The following DGLUCY variants were observed in gnomAD, a reference collection of about 807,000 sequenced individuals.
The protein encoded by DGLUCY is D-glutamate cyclase.
DGLUCY carries 58 observed loss-of-function variants against 58.5 expected under a neutral mutation model. The observed-to-expected ratio is 0.99, with a 90% CI of 0.80 to 1.23. DGLUCY has a LOEUF of 1.23. Among genes scored for constraint, DGLUCY ranks in the 50% most tolerant of loss-of-function variants. The pLI is 0.00. For missense variants in DGLUCY, 779 were observed against 784.7 expected (o/e 0.99, Z 0.09); for synonymous variants, 325 against 314.1 (o/e 1.03, Z -0.37).
At chr14:91,206,005 AAT>A (rs1884634806) in intron 12 of DGLUCY, among the ~76,000 whole-genome samples, 1 of 151,012 alleles carries the variant, frequency 6.6e-6, no homozygotes, top group Non-Finnish European at 1.5e-5. Context: ...ACACCTGGAT[AAT>A]TTTTGTATTT....
intron 1 of DGLUCY, among the ~76,000 whole-genome samples, chr14:91,066,908 G>A (rs1215714391): frequency 1.3e-5 from 2 of 150,216 alleles, no homozygotes; most frequent in East Asian, 2.0e-4. Flanking sequence ...GTGAAACCCC[G>A]TCTCTACTAA....
At chr14:91,099,045 G>A (rs919925346) in intron 1 of DGLUCY, among the ~76,000 whole-genome samples, 3 of 152,204 alleles carry the variant, frequency 2.0e-5, no homozygotes, top group Non-Finnish European at 4.4e-5. Flanking sequence ...AGCTCTCTCT[G>A]CATTTGGGAT....
intron 8 of DGLUCY, among the ~76,000 whole-genome samples, chr14:91,182,226 C>G (rs1365831129): frequency 5.3e-5 from 8 of 152,192 alleles, no homozygotes; most frequent in Non-Finnish European, 1.2e-4. Context: ...GGTAATCCAC[C>G]CATCTCGGCC....
At chr14:91,085,508 G>T (rs902832668) in intron 1 of DGLUCY, among the ~76,000 whole-genome samples, 7 of 151,076 alleles carry the variant, frequency 4.6e-5, no homozygotes, top group Non-Finnish European at 7.4e-5. Context: ...TTGGTGCCAG[G>T]ACCCCTTGCA....
At chr14:91,135,513 G>A (rs147901948) in intron 1 of DGLUCY, among the ~76,000 whole-genome samples, 133 of 152,150 alleles carry the variant, frequency 8.7e-4, no homozygotes, top group African/African-American at 3.1e-3. Context: ...AGCCAGGCAT[G>A]GTGGCGCATG....
At chr14:91,125,523 CT>C (rs1322319604) in intron 1 of DGLUCY, 1 of 152,274 alleles carries the variant, frequency 6.6e-6, no homozygotes, top group African/African-American at 2.4e-5. Flanking sequence ...TCTCTGCTTT[CT>C]TCTCTGTTGG....
intron 1 of DGLUCY, among the ~76,000 whole-genome samples, chr14:91,068,404 C>T (rs1373129377): frequency 6.6e-6 from 1 of 152,184 alleles, no homozygotes; most frequent in Non-Finnish European, 1.5e-5. Context: ...CACGGTGGCT[C>T]CCACCTGTAA....
chr14:91,183,907 T>C (rs1456570762), intron 8 of DGLUCY, among the ~76,000 whole-genome samples: 1 of 152,140 alleles, frequency 6.6e-6, no homozygotes, highest in Non-Finnish European at 1.5e-5. Context: ...GTCCCTCTTC[T>C]GGACCTTCTC....
At chr14:91,137,552 AT>A (rs55763052) in intron 1 of DGLUCY, among the ~76,000 whole-genome samples, 32,704 of 139,634 alleles carry the variant, frequency 0.23, 3,653 homozygotes, top group African/African-American at 0.27. Context: ...CGCCTGGCTA[AT>A]TTTTTTTTTT....
upstream of DGLUCY, among the ~76,000 whole-genome samples, chr14:91,109,530 T>C (rs556079656): frequency 6.6e-6 from 1 of 152,256 alleles, no homozygotes; most frequent in Admixed American, 6.5e-5. Context: ...CGGTAGTTAG[T>C]GGCTACAGGC....
chr14:91,152,867 T>C (rs1458624593), intron 1 of DGLUCY, among the ~76,000 whole-genome samples: 1 of 152,210 alleles, frequency 6.6e-6, no homozygotes, highest in Non-Finnish European at 1.5e-5. Context: ...AAGGAAGCTG[T>C]GTCTTCTGTT....
intron 3 of DGLUCY, 139 bp from the exon 4 acceptor site, chr14:91,167,086 C>G: frequency 8.8e-7 from 1 of 1,132,734 alleles, no homozygotes; most frequent in South Asian, 1.6e-5. Flanking sequence ...TTGCAGTGAG[C>G]CAAGATTGTG....
At chr14:91,121,923 C>G (rs777736468) in intron 1 of DGLUCY, among the ~76,000 whole-genome samples, 20 of 152,128 alleles carry the variant, frequency 1.3e-4, no homozygotes, top group Non-Finnish European at 2.6e-4. Context: ...GTCTGCTCAT[C>G]TGTTTATTCC....
chr14:91,215,742 T>C (rs1190428754), intron 13 of DGLUCY, 186 bp downstream of exon 13: 1 of 1,477,200 alleles, frequency 6.8e-7, no homozygotes, highest in Non-Finnish European at 9.0e-7. Flanking sequence ...CAGTTCTGAA[T>C]CGTGTGGCAG....
rs34785372 is a variant in DGLUCY at position 91,160,417 on chromosome 14, T to TAA, written c.103+43_103+44dup. On this transcript the variant is annotated intron_variant, in intron 3 of 13. Coordinates refer to ENST00000256324, the MANE Select transcript of DGLUCY (RefSeq NM_001102368.3). ...CTGGAGGTAAGTGGTGCCAGATAGT[T>TAA]AAAAAAAAAAAAAAAAAAAAAAAAG... 1.4e-3 allele frequency: 787 copies of TAA among 578,738 alleles called. No individual in the cohort carries two copies. Among genetic ancestry groups the TAA allele is most frequent in the South Asian group, 3.7e-3 (150 of 40,446 alleles). The allele number at this position is 578,738 out of a possible 1,614,324, so 35.9% of individuals were successfully genotyped here. A position where few individuals can be genotyped will look rare whatever the true frequency, so the allele number is the denominator to read the frequency against.
At chr14:91,099,299 G>A (rs960286233) in intron 1 of DGLUCY, among the ~76,000 whole-genome samples, 3 of 152,132 alleles carry the variant, frequency 2.0e-5, no homozygotes, top group African/African-American at 4.8e-5. Context: ...TTGGGAGGCC[G>A]AGGCAGGCAG....
At chr14:91,165,687 C>T (rs1047320734) in intron 3 of DGLUCY, among the ~76,000 whole-genome samples, 1 of 152,184 alleles carries the variant, frequency 6.6e-6, no homozygotes, top group African/African-American at 2.4e-5. Flanking sequence ...TGATGGATAC[C>T]ACTACCCACC....
chr14:91,181,273 C>G lies in DGLUCY; in HGVS notation c.818C>G (p.Pro273Arg). 1 of 1,614,152 alleles carries G rather than the reference C, an allele frequency of 6.2e-7. No individual in the cohort carries two copies. ...AAGGCTCCACCTGGTTGTCTCACCC[C>G]AGAGAGAATTCCAGAGGTCCATCAC... Reference protein sequence around the residue: ...DAKAPPGCLTPERIPEVHHIS... With the variant: ...DAKAPPGCLTRERIPEVHHIS... Residue 273 changes from proline to arginine, a missense_variant, in exon 8 of 14, where the codon CCA becomes CGA. By Grantham distance (103) the Pro-to-Arg change is moderately radical (BLOSUM62 -2). Transcript: ENST00000256324.
chr14:91,135,958 A>G (rs1464974349), intron 1 of DGLUCY, among the ~76,000 whole-genome samples: 3 of 107,190 alleles, frequency 2.8e-5, no homozygotes, highest in Admixed American at 1.4e-4. Flanking sequence ...TTTTTGAGAT[A>G]GAGTCTGGCT....
Sources: allele counts gnomAD v4.1 joint callset (sites outside exome capture counted in the v4.1 genomes callset), GRCh38; gene constraint gnomAD v4.1.1; transcripts MANE v1.5; gene names NCBI Gene and HGNC (gene_info 2026-07-23, HGNC 2026-07-21).